Variants in SEC31A observed in about 807,000 individuals in gnomAD.
SEC31A encodes the protein protein transport protein Sec31A.
In SEC31A, 70 loss-of-function variants were observed where a neutral mutation model predicts 151.0. The observed-to-expected ratio is 0.46, with a 90% CI of 0.38 to 0.57. The LOEUF is 0.57. Ranked by LOEUF, SEC31A falls within the 20% of genes least tolerant of loss-of-function variation. SEC31A has a pLI of 0.00. For synonymous variants in SEC31A, 475 were observed against 505.9 expected, an observed-to-expected ratio of 0.94 and a Z score of 0.82; for missense variants, 1,330 against 1,471.2, an observed-to-expected ratio of 0.90 and a Z score of 1.57.
intron 14 of SEC31A, among the ~76,000 whole-genome samples, chr4:82,860,136 GA>G (rs1339436687): frequency 1.3e-5 from 2 of 151,872 alleles, no homozygotes; most frequent in African/African-American, 2.4e-5. Flanking sequence ...TTGCTTTCTA[GA>G]AACAATTTAT....
intron 22 of SEC31A, among the ~76,000 whole-genome samples, chr4:82,836,392 AG>A (rs753390528): frequency 2.7e-4 from 40 of 150,858 alleles, no homozygotes; most frequent in African/African-American, 7.5e-4. Context: ...AAAAAAAAAA[AG>A]AAAAAGAATT....
At chr4:82,835,748 T>C (rs557850265) in intron 22 of SEC31A, among the ~76,000 whole-genome samples, 204 of 152,096 alleles carry the variant, frequency 1.3e-3, no homozygotes, top group African/African-American at 4.7e-3. Context: ...TGAGTCGAGA[T>C]TGAGCCACTG....
upstream of SEC31A, chr4:82,893,350 T>C (rs1279791105): frequency 6.6e-6 from 1 of 152,272 alleles, no homozygotes. Flanking sequence ...ATTATAGGCA[T>C]GAGCCTCCAT....
At chr4:82,892,493 T>C (rs1331284086), upstream of SEC31A, among the ~76,000 whole-genome samples, 6 of 152,252 alleles carry the variant, frequency 3.9e-5, no homozygotes, top group Admixed American at 3.9e-4. Context: ...TCACATCCAA[T>C]TTCACTTCCA....
At chr4:82,870,235 C>T (rs1736340426) in intron 8 of SEC31A, 90 bp downstream of exon 8, 2 of 917,282 alleles carry the variant, frequency 2.2e-6, no homozygotes, top group African/African-American at 1.6e-5. Flanking sequence ...CATAGTAATC[C>T]ACTAAAGAAT....
intron 16 of SEC31A, 49 bp downstream of exon 16, chr4:82,856,903 T>C: frequency 6.8e-7 from 1 of 1,478,922 alleles, no homozygotes; most frequent in Non-Finnish European, 9.2e-7. Flanking sequence ...GTATTGTTTT[T>C]ATAATTAGAA....
intron 1 of SEC31A, among the ~76,000 whole-genome samples, chr4:82,886,035 G>A (rs1354578971): frequency 1.5e-5 from 2 of 129,774 alleles, no homozygotes; most frequent in Non-Finnish European, 3.6e-5. Flanking sequence ...TGCTAGCAAG[G>A]GGGCAAGGGG....
chr4:82,884,740 G>C (rs1305553694), intron 1 of SEC31A, among the ~76,000 whole-genome samples: 1 of 152,100 alleles, frequency 6.6e-6, no homozygotes, highest in Non-Finnish European at 1.5e-5. Flanking sequence ...AGCCTATATA[G>C]TGAATTTTTG....
chr4:82,866,784 A>C, intron 10 of SEC31A, 24 bp downstream of exon 10: 5 of 1,593,428 alleles, frequency 3.1e-6, no homozygotes, highest in Non-Finnish European at 4.3e-6. Flanking sequence ...GTGCCTATGG[A>C]CCATAAAAAC....
intron 23 of SEC31A, among the ~76,000 whole-genome samples, chr4:82,828,797 A>T (rs1210403210): frequency 1.3e-5 from 2 of 151,898 alleles, no homozygotes; most frequent in African/African-American, 4.8e-5. Context: ...TATCACCATC[A>T]TCAGAACAAG....
intron 3 of SEC31A, chr4:82,897,980 A>G (rs1025357028): frequency 6.6e-6 from 1 of 152,226 alleles, no homozygotes; most frequent in Non-Finnish European, 1.5e-5. Flanking sequence ...AAATAGAAAG[A>G]TATACTACCT....
chr4:82,878,310 A>G (rs952054641), intron 4 of SEC31A, among the ~76,000 whole-genome samples: 4 of 152,012 alleles, frequency 2.6e-5, no homozygotes, highest in Admixed American at 2.6e-4. Context: ...TCTGGCCAAC[A>G]TGGTGAAACC....
rs772103697 is a variant in SEC31A at position 82,857,097 on chromosome 4, G to A, written c.1736C>T (p.Thr579Met). 1.2e-5 allele frequency: 20 copies of A among 1,613,180 alleles called. No individual in the cohort carries two copies. Among genetic ancestry groups the A allele is most frequent in the African/African-American group, 2.7e-5 (2 of 74,870 alleles). Residue 579 changes from threonine to methionine, a missense_variant, in exon 16 of 27, where the codon ACG becomes ATG. By Grantham distance (81) the Thr-to-Met change is moderately conservative. Coordinates refer to ENST00000395310, the MANE Select transcript of SEC31A (RefSeq NM_001077207.4). ...GTCAACAGCACTCTCAAAATTGCCC[G>A]TCAGCAAAGCCTGAGTAATTAAACC... is the stretch of plus-strand genomic sequence containing the variant. Reference protein sequence around the residue: ...IDGLITQALLTGNFESAVDLC... With the variant: ...IDGLITQALLMGNFESAVDLC...
chr4:82,833,666 C>G (rs1362450224), intron 22 of SEC31A, among the ~76,000 whole-genome samples: 1 of 151,952 alleles, frequency 6.6e-6, no homozygotes, highest in East Asian at 1.9e-4. Flanking sequence ...TCCCAATTGT[C>G]AAATACTTAG....
intron 23 of SEC31A, among the ~76,000 whole-genome samples, chr4:82,828,020 T>C (rs921382945): frequency 2.0e-5 from 3 of 151,920 alleles, no homozygotes; most frequent in African/African-American, 4.8e-5. Flanking sequence ...GTTCAAGCAA[T>C]TCTCGTGCCT....
At chr4:82,849,665 C>T (rs1475173992) in intron 19 of SEC31A, among the ~76,000 whole-genome samples, 5 of 143,088 alleles carry the variant, frequency 3.5e-5, no homozygotes, top group East Asian at 4.1e-4. Flanking sequence ...AGAGAATCAA[C>T]TACTAAAGGT....
chr4:82,891,882 C>T (rs1328087481), upstream of SEC31A, among the ~76,000 whole-genome samples: 1 of 152,200 alleles, frequency 6.6e-6, no homozygotes, highest in Admixed American at 6.5e-5. Context: ...TATTTTACAG[C>T]AAGGTGAAGC....
Position 82,864,342 on chromosome 4 carries a change from G to T in SEC31A, c.1434+20C>A. 6.6e-7 allele frequency: 1 copy of T among 1,511,732 alleles called. No individual in the cohort carries two copies. The highest frequency in any genetic ancestry group is 9.2e-7 in the Non-Finnish European group (1 of 1,087,506). 93.6% of individuals were successfully genotyped at this position (1,511,732 alleles called of 1,614,324 possible). ...AATTTGCAGATAATGAAATAATATAGCTTTAAACAGCAACTTTACCTTCAA... is the reference window on the plus strand; with the variant it reads ...AATTTGCAGATAATGAAATAATATATCTTTAAACAGCAACTTTACCTTCAA... On this transcript the variant is annotated intron_variant, in intron 11 of 26. Coordinates refer to ENST00000395310, the MANE Select transcript of SEC31A (RefSeq NM_001077207.4).
chr4:82,890,887 G>A (rs1422633088), intron 1 of SEC31A: 8 of 1,385,976 alleles, frequency 5.8e-6, no homozygotes, highest in East Asian at 2.8e-5. Context: ...GAATGCGGAC[G>A]GGCGCGATCA....
Sources: allele counts gnomAD v4.1 joint callset (sites outside exome capture counted in the v4.1 genomes callset), GRCh38; gene constraint gnomAD v4.1.1; transcripts MANE v1.5; gene names NCBI Gene and HGNC (gene_info 2026-07-23, HGNC 2026-07-21).